PDE7B: variants seen among roughly 807,000 people sequenced by gnomAD.
PDE7B encodes the protein phosphodiesterase 7B, also known as 3',5'-cyclic-AMP phosphodiesterase 7B.
PDE7B carries 29 observed loss-of-function variants against 56.2 expected under a neutral mutation model. That is an observed-to-expected ratio of 0.52 (90% CI 0.38 to 0.70). The LOEUF is 0.70. Among genes scored for constraint, PDE7B ranks in the 30% least tolerant of loss-of-function variants. The probability of loss-of-function intolerance (pLI) is 0.00; values close to 1 mark genes in which losing one functional copy is unlikely to be tolerated. For synonymous variants in PDE7B, 197 were observed against 196.9 expected (o/e 1.00, Z 0.00); for missense variants, 490 against 565.0 (o/e 0.87, Z 1.35).
At chr6:135,998,169 AAG>A (rs1410787588) in intron 2 of PDE7B, among the ~76,000 whole-genome samples, 4 of 152,128 alleles carry the variant, frequency 2.6e-5, no homozygotes, top group African/African-American at 9.7e-5. Flanking sequence ...GGAGGAGAAA[AAG>A]AGAGATTTTC....
At chr6:136,080,930 C>T (rs1030952060) in intron 2 of PDE7B, among the ~76,000 whole-genome samples, 1 of 152,150 alleles carries the variant, frequency 6.6e-6, no homozygotes, top group Non-Finnish European at 1.5e-5. Flanking sequence ...AAGCTTCCTT[C>T]AGGAGAAGAT....
intron 3 of PDE7B, among the ~76,000 whole-genome samples, chr6:136,128,563 AC>A (rs1778060402): frequency 2.6e-5 from 4 of 151,474 alleles, no homozygotes; most frequent in African/African-American, 9.7e-5. Context: ...GGACCCCCCC[AC>A]CCCTGGGCAA....
At chr6:135,959,703 T>C (rs1363364473) in intron 2 of PDE7B, among the ~76,000 whole-genome samples, 2 of 152,116 alleles carry the variant, frequency 1.3e-5, no homozygotes, top group Non-Finnish European at 2.9e-5. Flanking sequence ...TAACAGTATA[T>C]GAATGACTAT....
intron 1 of PDE7B, among the ~76,000 whole-genome samples, chr6:135,854,185 C>T (rs1774984884): frequency 6.6e-6 from 1 of 152,136 alleles, no homozygotes; most frequent in African/African-American, 2.4e-5. Context: ...TGTTGTTAGC[C>T]AGGCCCAAAT....
intron 2 of PDE7B, among the ~76,000 whole-genome samples, chr6:136,027,362 A>G (rs1225824689): frequency 1.3e-5 from 2 of 152,362 alleles, no homozygotes; most frequent in Admixed American, 6.5e-5. Flanking sequence ...CTAGGAACAC[A>G]GTAACAACTC....
chr6:135,987,105 C>G (rs1775390347), intron 2 of PDE7B, among the ~76,000 whole-genome samples: 1 of 152,184 alleles, frequency 6.6e-6, no homozygotes, highest in South Asian at 2.1e-4. Flanking sequence ...TTGCAAGTAA[C>G]TACAACTTGC....
chr6:135,987,746 T>C (rs1415653675), intron 2 of PDE7B, among the ~76,000 whole-genome samples: 2 of 152,240 alleles, frequency 1.3e-5, no homozygotes, highest in African/African-American at 4.8e-5. Flanking sequence ...CTCTAAACAG[T>C]GTTGCTCATC....
At chr6:135,906,832 T>TTTTTTTTTTTTTTTTTTTTG (rs1257351941) in intron 1 of PDE7B, among the ~76,000 whole-genome samples, 2 of 144,008 alleles carry the variant, frequency 1.4e-5, no homozygotes, top group African/African-American at 5.5e-5. Flanking sequence ...TTTTTTTTTT[T>TTTTTTTTTTTTTTTTTTTTG]TTTTAATCCT....
chr6:135,888,276 C>T (rs1422557423), intron 1 of PDE7B, among the ~76,000 whole-genome samples: 1 of 152,148 alleles, frequency 6.6e-6, no homozygotes, highest in African/African-American at 2.4e-5. Context: ...CAAGGTCACA[C>T]AATTAGTGTG....
chr6:135,930,850 T>C (rs1774281198), intron 1 of PDE7B, among the ~76,000 whole-genome samples: 1 of 152,234 alleles, frequency 6.6e-6, no homozygotes, highest in Admixed American at 6.5e-5. Context: ...CTGAGGCTAC[T>C]TGGAGTTCTA....
intron 1 of PDE7B, among the ~76,000 whole-genome samples, chr6:135,854,493 G>C (rs1281880125): frequency 1.3e-5 from 2 of 152,128 alleles, no homozygotes; most frequent in Admixed American, 1.3e-4. Context: ...AAAATCTACA[G>C]CTTAGTAGGT....
intron 2 of PDE7B, among the ~76,000 whole-genome samples, chr6:136,083,985 G>C (rs1199290645): frequency 6.6e-6 from 1 of 152,162 alleles, no homozygotes; most frequent in Non-Finnish European, 1.5e-5. Flanking sequence ...AAGACTTGAT[G>C]TAAGAGTGAG....
At chr6:136,092,054 C>T (rs148954159) in intron 2 of PDE7B, among the ~76,000 whole-genome samples, 56 of 152,290 alleles carry the variant, frequency 3.7e-4, no homozygotes, top group African/African-American at 1.3e-3. Context: ...CGATTATCAT[C>T]CTGTAGCATA....
chr6:136,099,281 G>T (rs1035764938), intron 2 of PDE7B, among the ~76,000 whole-genome samples: 8 of 152,112 alleles, frequency 5.3e-5, no homozygotes, highest in Non-Finnish European at 2.9e-5. Context: ...AATCCTTTGG[G>T]TATATACCCA....
At chr6:136,088,463 T>C (rs763266392) in intron 2 of PDE7B, among the ~76,000 whole-genome samples, 1 of 152,050 alleles carries the variant, frequency 6.6e-6, no homozygotes, top group Non-Finnish European at 1.5e-5. Context: ...AACACAGGCC[T>C]AGAAGGAGAA....
intron 2 of PDE7B, 69 bp downstream of exon 2, chr6:135,947,593 T>G (rs1774616087): frequency 8.5e-7 from 1 of 1,171,132 alleles, no homozygotes; most frequent in Non-Finnish European, 1.3e-6. Context: ...TTCTGTTGCC[T>G]TTTTGGCTGT....
intron 2 of PDE7B, among the ~76,000 whole-genome samples, chr6:136,030,409 C>G (rs1393594089): frequency 6.6e-6 from 1 of 152,118 alleles, no homozygotes; most frequent in Non-Finnish European, 1.5e-5. Flanking sequence ...AGAATGCAGC[C>G]TATTGCAAAG....
At chr6:135,922,761 A>T (rs1230271207) in intron 1 of PDE7B, among the ~76,000 whole-genome samples, 1 of 152,226 alleles carries the variant, frequency 6.6e-6, no homozygotes, top group African/African-American at 2.4e-5. Flanking sequence ...GAAACAGTCT[A>T]TGTTAAGTCA....
chr6:136,026,002 TG>T (rs1776143533), intron 2 of PDE7B, among the ~76,000 whole-genome samples: 1 of 152,206 alleles, frequency 6.6e-6, no homozygotes. Context: ...TCCAATGTCT[TG>T]GGTAGATCTG....
Sources: allele counts gnomAD v4.1 joint callset (sites outside exome capture counted in the v4.1 genomes callset), GRCh38; gene constraint gnomAD v4.1.1; transcripts MANE v1.5; gene names NCBI Gene and HGNC (gene_info 2026-07-23, HGNC 2026-07-21).